The following RPS6KC1 variants were observed in gnomAD, a reference collection of about 807,000 sequenced individuals.
RPS6KC1 encodes the protein ribosomal protein S6 kinase C1.
Under a neutral mutation model 103.8 loss-of-function variants are expected in RPS6KC1, and 54 were observed. The observed-to-expected ratio is 0.52, with a 90% confidence interval of 0.42 to 0.65. The LOEUF is 0.65. Ranked by LOEUF, RPS6KC1 falls within the 30% of genes least tolerant of loss-of-function variation. The pLI is 0.00. For missense variants in RPS6KC1, 1,151 were observed against 1,253.8 expected, an observed-to-expected ratio of 0.92 and a Z score of 1.24; for synonymous variants, 439 against 438.7, an observed-to-expected ratio of 1.00 and a Z score of -0.01.
At chr1:213,735,261 C>A in the RPS6KC1 span, among the ~76,000 whole-genome samples, 1,975 of 152,290 alleles carry the variant, frequency 0.013, 40 homozygotes, top group African/African-American at 0.044. Flanking sequence ...CAATGTTGCT[C>A]CTAAGCTCAG....
chr1:213,518,929 AC>A, the RPS6KC1 span, among the ~76,000 whole-genome samples: 4 of 152,314 alleles, frequency 2.6e-5, no homozygotes, highest in Admixed American at 6.5e-5. Context: ...CTGCACATCT[AC>A]ATCCCAGAGG....
chr1:213,610,461 C>T, the RPS6KC1 span, among the ~76,000 whole-genome samples: 21 of 152,042 alleles, frequency 1.4e-4, no homozygotes, highest in African/African-American at 4.1e-4. Context: ...TTTGCAAGAG[C>T]GAGGAGGAGA....
the RPS6KC1 span, among the ~76,000 whole-genome samples, chr1:213,322,044 G>A: frequency 6.6e-6 from 1 of 152,288 alleles, no homozygotes; most frequent in Non-Finnish European, 1.5e-5. Context: ...GGTATCTCAT[G>A]CCTGTAATTC....
At chr1:213,513,360 G>T in the RPS6KC1 span, among the ~76,000 whole-genome samples, 5 of 152,312 alleles carry the variant, frequency 3.3e-5, no homozygotes, top group South Asian at 8.3e-4. Flanking sequence ...AATATGTGTT[G>T]TTTTAAGTAC....
chr1:213,623,227 G>A, the RPS6KC1 span, among the ~76,000 whole-genome samples: 23 of 152,234 alleles, frequency 1.5e-4, no homozygotes, highest in African/African-American at 2.9e-4. Flanking sequence ...ATCACTCTTC[G>A]TTTTCAGACA....
chr1:213,735,415 A>G, the RPS6KC1 span, among the ~76,000 whole-genome samples: 3 of 152,210 alleles, frequency 2.0e-5, no homozygotes, highest in Non-Finnish European at 1.5e-5. Context: ...ACAGGTGGGC[A>G]TATTAGACTT....
the RPS6KC1 span, among the ~76,000 whole-genome samples, chr1:213,319,479 C>T: frequency 6.9e-3 from 1,053 of 152,228 alleles, 14 homozygotes; most frequent in African/African-American, 0.02. Flanking sequence ...CCCTGATGTG[C>T]GGTCAGCTCT....
chr1:213,650,928 TAAA>T, the RPS6KC1 span, among the ~76,000 whole-genome samples: 8 of 100,274 alleles, frequency 8.0e-5, no homozygotes, highest in Non-Finnish European at 9.7e-5. Flanking sequence ...ACTTGCATGT[TAAA>T]AAAAAAAAAA....
intron 8 of RPS6KC1, among the ~76,000 whole-genome samples, chr1:213,215,311 G>T (rs781062947): frequency 2.6e-5 from 4 of 152,202 alleles, no homozygotes; most frequent in Non-Finnish European, 4.4e-5. Flanking sequence ...AATGAAGTGA[G>T]AAGAGAAGTT....
chr1:213,525,706 G>T, the RPS6KC1 span, among the ~76,000 whole-genome samples: 1 of 152,172 alleles, frequency 6.6e-6, no homozygotes, highest in Admixed American at 6.5e-5. Flanking sequence ...TGAAGCAAGG[G>T]TTTCATGGCA....
At chr1:213,809,869 G>T in the RPS6KC1 span, among the ~76,000 whole-genome samples, 1 of 152,166 alleles carries the variant, frequency 6.6e-6, no homozygotes, top group Non-Finnish European at 1.5e-5. Context: ...TAAACCAATT[G>T]TGATTACCAG....
At chr1:213,779,232 G>A in the RPS6KC1 span, among the ~76,000 whole-genome samples, 3 of 152,308 alleles carry the variant, frequency 2.0e-5, no homozygotes, top group East Asian at 1.9e-4. Context: ...CCACGGCCCT[G>A]AGTGCCATAA....
the RPS6KC1 span, among the ~76,000 whole-genome samples, chr1:213,618,376 A>G: frequency 6.6e-6 from 1 of 152,314 alleles, no homozygotes; most frequent in East Asian, 1.9e-4. Context: ...GATTTTCAGG[A>G]GCAAAATGGG....
intron 14 of RPS6KC1, among the ~76,000 whole-genome samples, chr1:213,264,122 C>T (rs1252517345): frequency 6.6e-6 from 1 of 151,882 alleles, no homozygotes; most frequent in Non-Finnish European, 1.5e-5. Flanking sequence ...ATCACAAACA[C>T]AAGAGTAATG....
intron 14 of RPS6KC1, among the ~76,000 whole-genome samples, chr1:213,265,157 A>G (rs543357083): frequency 6.6e-6 from 1 of 152,204 alleles, no homozygotes; most frequent in Non-Finnish European, 1.5e-5. Context: ...ATTAACTTGA[A>G]TGTGCCACTG....
chr1:213,583,820 CAAAAAAAAAA>C, the RPS6KC1 span, among the ~76,000 whole-genome samples: 2 of 76,668 alleles, frequency 2.6e-5, no homozygotes, highest in African/African-American at 9.6e-5. Flanking sequence ...GATTCTGTCT[CAAAAAAAAAA>C]AAAAAAAAGA....
At chr1:213,137,779 A>ATC (rs1558395420) in intron 6 of RPS6KC1, among the ~76,000 whole-genome samples, 19 of 22,326 alleles carry the variant, frequency 8.5e-4, no homozygotes, top group African/African-American at 2.7e-3. Flanking sequence ...CTCTCTCTCT[A>ATC]TATATATATA....
chr1:213,498,528 C>G, the RPS6KC1 span, among the ~76,000 whole-genome samples: 1 of 152,008 alleles, frequency 6.6e-6, no homozygotes, highest in African/African-American at 2.4e-5. Context: ...GATCTTGGCT[C>G]ACTGCAAGCT....
intron 5 of RPS6KC1, among the ~76,000 whole-genome samples, chr1:213,127,263 G>A (rs1255458996): frequency 2.6e-5 from 4 of 152,086 alleles, no homozygotes; most frequent in African/African-American, 7.2e-5. Context: ...AGCCATGGTA[G>A]GTGAAACTGC....
Sources: gnomAD v4.1 joint callset for allele counts (sites outside exome capture counted in the v4.1 genomes callset) on GRCh38, gnomAD v4.1.1 for gene constraint, MANE v1.5 for transcripts, NCBI Gene and HGNC (gene_info 2026-07-23, HGNC 2026-07-21) for gene names.